ATP5MK: variants seen among roughly 807,000 people sequenced by gnomAD.
ATP5MK encodes the protein ATP synthase membrane subunit k.
ATP5MK carries 5 observed loss-of-function variants against 6.6 expected under a neutral mutation model. The ratio of observed to expected loss-of-function variants is 0.76; its 90% CI spans 0.40 to 1.60. The LOEUF is 1.60. Ranked by LOEUF, ATP5MK falls within the 40% of genes most tolerant of loss-of-function variation. ATP5MK has a pLI of 0.02. For missense variants in ATP5MK, 57 were observed against 66.6 expected (o/e 0.86, Z 0.50); for synonymous variants, 30 against 24.5 (o/e 1.22, Z -0.66).
intron 4 of ATP5MK, among the ~76,000 whole-genome samples, chr10:103,389,736 T>C (rs2093408241): frequency 6.6e-6 from 1 of 150,808 alleles, no homozygotes; most frequent in Non-Finnish European, 1.5e-5. Context: ...AGTAACATCT[T>C]TTTTTTTTGT....
At chr10:103,393,590 A>AT (rs931346295) in intron 2 of ATP5MK, among the ~76,000 whole-genome samples, 16 of 151,884 alleles carry the variant, frequency 1.1e-4, no homozygotes, top group South Asian at 2.1e-4. Flanking sequence ...AAAAAAAAAA[A>AT]AAATAAATAA....
At chr10:103,389,354 C>A (rs553128024) in intron 4 of ATP5MK, among the ~76,000 whole-genome samples, 188 bp from the exon 5 acceptor site, 1 of 152,062 alleles carries the variant, frequency 6.6e-6, no homozygotes, top group Non-Finnish European at 1.5e-5. Context: ...ACAGAGTTCG[C>A]TCTTGTTGCC....
chr10:103,394,428 G>T (rs1252284409), intron 2 of ATP5MK: 3 of 477,724 alleles, frequency 6.3e-6, no homozygotes, highest in Non-Finnish European at 1.4e-5. Flanking sequence ...TATCTGTCAG[G>T]GAGTCATTAC....
At chr10:103,396,339 G>A (rs2093434955) in intron 1 of ATP5MK, 70 bp downstream of exon 1, 1 of 152,202 alleles carries the variant, frequency 6.6e-6, no homozygotes, top group Non-Finnish European at 1.5e-5. Context: ...TTGCTCCTCG[G>A]CCAGAAACGG....
chr10:103,395,305 C>T (rs2093428788), intron 2 of ATP5MK, among the ~76,000 whole-genome samples: 1 of 152,196 alleles, frequency 6.6e-6, no homozygotes, highest in Non-Finnish European at 1.5e-5. Flanking sequence ...AAGTTGCTAA[C>T]TGCCCTTCTT....
At chr10:103,395,178 CT>C (rs1392285972) in intron 2 of ATP5MK, among the ~76,000 whole-genome samples, 1 of 152,162 alleles carries the variant, frequency 6.6e-6, no homozygotes, top group African/African-American at 2.4e-5. Flanking sequence ...GTTCTGCACT[CT>C]TCAGCACGGT....
intron 2 of ATP5MK, among the ~76,000 whole-genome samples, chr10:103,395,440 G>T (rs2093429643): frequency 6.6e-6 from 1 of 152,208 alleles, no homozygotes; most frequent in Non-Finnish European, 1.5e-5. Flanking sequence ...TGGAACTACA[G>T]GCGCGCGCCA....
chr10:103,395,178 C>G (rs148886261), intron 2 of ATP5MK, among the ~76,000 whole-genome samples: 28 of 152,280 alleles, frequency 1.8e-4, no homozygotes, highest in Middle Eastern at 3.4e-3. Context: ...GTTCTGCACT[C>G]TTCAGCACGG....
chr10:103,390,023 C>G (rs933618114), intron 4 of ATP5MK, among the ~76,000 whole-genome samples: 1 of 152,144 alleles, frequency 6.6e-6, no homozygotes, highest in Non-Finnish European at 1.5e-5. Context: ...TGAGCCACCA[C>G]GCCCAGCCTC....
intron 2 of ATP5MK, among the ~76,000 whole-genome samples, chr10:103,394,797 C>G (rs960690658): frequency 1.5e-5 from 2 of 131,970 alleles, no homozygotes; most frequent in Admixed American, 1.7e-4. Flanking sequence ...TTTTTGGATT[C>G]ACTTCTTAGG....
intron 4 of ATP5MK, among the ~76,000 whole-genome samples, chr10:103,391,478 T>C (rs199918396): frequency 7.2e-5 from 11 of 152,108 alleles, no homozygotes; most frequent in East Asian, 5.8e-4. Flanking sequence ...TAACAAAAAC[T>C]GTTAGGGTCT....
chr10:103,393,452 C>T (rs967769692), intron 2 of ATP5MK, among the ~76,000 whole-genome samples: 1 of 151,692 alleles, frequency 6.6e-6, no homozygotes, highest in Admixed American at 6.6e-5. Context: ...TGGTGGTGGG[C>T]GCCTGTAGTC....
chr10:103,394,261 A>T (rs201332456), intron 2 of ATP5MK: 5 of 532,818 alleles, frequency 9.4e-6, no homozygotes, highest in Non-Finnish European at 1.9e-5. Flanking sequence ...AGGTCACCAG[A>T]ACAAGAGCTG....
intron 2 of ATP5MK, among the ~76,000 whole-genome samples, chr10:103,393,602 T>G (rs1011772942): frequency 6.6e-6 from 1 of 150,706 alleles, no homozygotes; most frequent in South Asian, 2.1e-4. Flanking sequence ...AATAAATAAA[T>G]AAAAAATAAA....
At chr10:103,392,571 A>AT in intron 2 of ATP5MK, 105 bp from the exon 3 acceptor site, 1 of 766,042 alleles carries the variant, frequency 1.3e-6, no homozygotes. Context: ...CACTGCATAT[A>AT]AATACTGTAA....
At chr10:103,389,805 C>T (rs891457964) in intron 4 of ATP5MK, among the ~76,000 whole-genome samples, 17 of 152,046 alleles carry the variant, frequency 1.1e-4, no homozygotes, top group African/African-American at 4.1e-4. Context: ...AATCTCGGCT[C>T]ACTGCAACCT....
At chr10:103,395,393 G>A (rs2093429331) in intron 2 of ATP5MK, among the ~76,000 whole-genome samples, 1 of 152,224 alleles carries the variant, frequency 6.6e-6, no homozygotes, top group Non-Finnish European at 1.5e-5. Context: ...CGCTTCCCGG[G>A]GTCAAGCGGT....
At chr10:103,389,686 T>C (rs1445963269) in intron 4 of ATP5MK, among the ~76,000 whole-genome samples, 1 of 152,150 alleles carries the variant, frequency 6.6e-6, no homozygotes, top group Non-Finnish European at 1.5e-5. Context: ...CAATTTAGTA[T>C]GATCCTAAAG....
chr10:103,392,484 A>G lies in ATP5MK; in HGVS notation c.-9-18T>C. 6.5e-7 allele frequency: 1 copy of G among 1,549,240 alleles called. No individual in the cohort carries two copies. The highest frequency in any genetic ancestry group is 8.7e-7 in the Non-Finnish European group (1 of 1,143,468). On this transcript the variant is annotated intron_variant, in intron 2 of 4. Transcript: ENST00000369815. The stretch of plus-strand genomic sequence containing the variant: ...ATTTCAATCTTTTAAAAAAAGAAAG[A>G]AAGCAACATTAAATTGGTTTGGATG...
Sources: allele counts gnomAD v4.1 joint callset (sites outside exome capture counted in the v4.1 genomes callset), GRCh38; gene constraint gnomAD v4.1.1; transcripts MANE v1.5; gene names NCBI Gene and HGNC (gene_info 2026-07-23, HGNC 2026-07-21).